Variants in CROCC2 observed in about 807,000 individuals in gnomAD.
CROCC2 encodes the protein ciliary rootlet coiled-coil protein 2.
Under a neutral mutation model 177.6 loss-of-function variants are expected in CROCC2, and 163 were observed. The ratio of observed to expected loss-of-function variants is 0.92; its 90% CI spans 0.81 to 1.05. The LOEUF is 1.05. CROCC2 is among the 50% of genes least tolerant of loss of function. The pLI is 0.00. For synonymous variants in CROCC2, 904 were observed against 787.3 expected, an observed-to-expected ratio of 1.15 and a Z score of -2.48; for missense variants, 1,929 against 1,797.8, an observed-to-expected ratio of 1.07 and a Z score of -1.32.
intron 29 of CROCC2, among the ~76,000 whole-genome samples, chr2:240,989,354 C>T (rs941411326): frequency 2.0e-5 from 3 of 152,166 alleles, no homozygotes; most frequent in Admixed American, 6.5e-5. Flanking sequence ...AATCAAACTT[C>T]GATGCCCTCC....
chr2:240,980,269 G>T (rs368067623), intron 27 of CROCC2, among the ~76,000 whole-genome samples: 324 of 51,934 alleles, frequency 6.2e-3, no homozygotes, highest in East Asian at 0.018. Context: ...AGCCTCAGGA[G>T]CCCAGGCTCA....
At chr2:240,924,993 G>C (rs1243910964) in intron 4 of CROCC2, among the ~76,000 whole-genome samples, 1 of 41,176 alleles carries the variant, frequency 2.4e-5, no homozygotes, top group Non-Finnish European at 4.8e-5. Flanking sequence ...CCCCCACACT[G>C]ACCCGGCCCC....
Position 240,933,239 on chromosome 2 carries a change from C to T in CROCC2, c.1360C>T (p.Arg454Trp), listed in dbSNP as rs367675913. 1.9e-5 allele frequency: 29 copies of T among 1,549,324 alleles called. No individual in the cohort carries two copies. The African/African-American group carries it at 2.2e-4, about 12-fold the overall frequency. Residue 454 changes from arginine to tryptophan, a missense_variant, in exon 10 of 32, where the codon CGG (arginine) becomes TGG (tryptophan). By Grantham distance (101) the Arg-to-Trp change is moderately radical. Transcript: ENST00000690015. ...LWAAQKLQQE[R>W]AREQAREREA... ...GGCCGCACAGAAGCTCCAGCAGGAG[C>T]GGGCTCGGGAGCAGGCACGGGAACG...
At chr2:240,937,295 A>G (rs1015006841) in intron 14 of CROCC2, among the ~76,000 whole-genome samples, 2 of 152,208 alleles carry the variant, frequency 1.3e-5, no homozygotes, top group South Asian at 4.1e-4. Flanking sequence ...ACACATTTTC[A>G]TGCATGTATT....
At chr2:240,915,968 G>GCCA (rs2059317615) in intron 1 of CROCC2, among the ~76,000 whole-genome samples, 1 of 152,188 alleles carries the variant, frequency 6.6e-6, no homozygotes, top group Non-Finnish European at 1.5e-5. Context: ...CGGACGCTGG[G>GCCA]CCACAGCCTG....
At chr2:240,933,599 T>A (rs981958411) in intron 10 of CROCC2, 71 bp from the exon 11 acceptor site, 2 of 1,490,388 alleles carry the variant, frequency 1.3e-6, no homozygotes, top group East Asian at 2.5e-5. Context: ...CAGCCCCCAA[T>A]GCCCACCAAG....
At position 240,993,110 on chromosome 2, in the gene CROCC2, G is replaced by A. The variant is rs1003370174; in HGVS notation, c.*29G>A. ...TCCCAGCACAGGGGAGGCGCCCAGC[G>A]TGGCTGCAGAGGAAGGGAACGCACC... On this transcript the variant is annotated 3_prime_UTR_variant, in exon 32 of 32. Coordinates refer to ENST00000690015, the MANE Select transcript of CROCC2 (RefSeq NM_001351305.2). The A allele has an allele frequency of 2.1e-5, 15 of 716,216 alleles. No individual in the cohort carries two copies. The highest frequency in any genetic ancestry group is 6.0e-5 in the Admixed American group (3 of 49,960). 44.4% of individuals were successfully genotyped at this position (716,216 alleles called of 1,614,324 possible). A position where few individuals can be genotyped will look rare whatever the true frequency, so the allele number is the denominator to read the frequency against.
chr2:240,989,574 A>T, intron 29 of CROCC2, 80 bp from the exon 30 acceptor site: 1 of 1,369,770 alleles, frequency 7.3e-7, no homozygotes, highest in Non-Finnish European at 9.9e-7. Flanking sequence ...CAGGTGAAAC[A>T]CCCTGTGGCA....
chr2:240,967,677 G>C, intron 26 of CROCC2: 1 of 739,010 alleles, frequency 1.4e-6, no homozygotes, highest in Non-Finnish European at 1.7e-6. Flanking sequence ...GCACAGAGGA[G>C]TGACGTCCAC....
At chr2:240,951,654 A>G (rs1303306743) in intron 18 of CROCC2, among the ~76,000 whole-genome samples, 1 of 150,382 alleles carries the variant, frequency 6.6e-6, no homozygotes, top group Non-Finnish European at 1.5e-5. Flanking sequence ...CCTTCCATCC[A>G]CACAGCTATC....
chr2:240,947,242 G>C (rs139337949), intron 15 of CROCC2, among the ~76,000 whole-genome samples: 28 of 152,376 alleles, frequency 1.8e-4, no homozygotes, highest in Admixed American at 7.8e-4. Flanking sequence ...GAAAACCTGA[G>C]GGAGGCTGCT....
At chr2:240,931,879 C>T (rs964352872) in intron 7 of CROCC2, among the ~76,000 whole-genome samples, 4 of 152,240 alleles carry the variant, frequency 2.6e-5, no homozygotes, top group Admixed American at 2.0e-4. Context: ...CACACCAGGG[C>T]CTGAGCCACA....
chr2:240,968,381 C>A (rs1296780644), intron 27 of CROCC2, 119 bp downstream of exon 27: 14 of 1,290,078 alleles, frequency 1.1e-5, no homozygotes, highest in African/African-American at 1.5e-5. Flanking sequence ...TCTGCAAGGG[C>A]TTCTGTGGGT....
intron 28 of CROCC2, among the ~76,000 whole-genome samples, chr2:240,983,923 C>T (rs1206693920): frequency 6.6e-6 from 1 of 152,188 alleles, no homozygotes; most frequent in Admixed American, 6.5e-5. Context: ...AGCCCCTCCC[C>T]AGGGGTGTGC....
intron 27 of CROCC2, among the ~76,000 whole-genome samples, chr2:240,975,890 C>T (rs1020556897): frequency 2.6e-5 from 4 of 151,914 alleles, no homozygotes; most frequent in Admixed American, 2.6e-4. Context: ...CCACCACGCC[C>T]GGCTAATTTT....
chr2:240,932,897 C>T lies in CROCC2; in HGVS notation c.1240C>T (p.Arg414Trp), dbSNP rs1268126563. 2.1e-5 allele frequency: 33 copies of T among 1,546,114 alleles called. No individual in the cohort carries two copies. The highest frequency in any genetic ancestry group is 1.7e-4 in the South Asian group (14 of 83,794). Reference protein sequence around the residue: ...AMRAAIERRWRREQELCLQLK... With the variant: ...AMRAAIERRWWREQELCLQLK... ...GCGGGCAGCCATAGAGAGGCGGTGG[C>T]GGCGGGAACAGGTGGGCAGCCGCAG... Residue 414 changes from arginine to tryptophan, a missense_variant, in exon 9 of 32, where the codon CGG becomes TGG. This residue lies in a region of CROCC2 where 1,397 missense variants were observed against 1,239.9 expected (regional missense o/e 1.13). Transcript: ENST00000690015.
chr2:240,965,391 T>G lies in CROCC2; in HGVS notation c.3476T>G (p.Leu1159Arg). 6.5e-7 allele frequency: 1 copy of G among 1,549,418 alleles called. No homozygotes were observed. Among genetic ancestry groups the G allele is most frequent in the Non-Finnish European group, 8.7e-7 (1 of 1,146,890 alleles). ...GCCCCACGCTCCCAGGTGAGGACAC[T>G]GAAGGCCGAGAACCAGAGGAGGAGT... Reference protein sequence around the residue: ...LRELHRQVRTLKAENQRRSGE... With the variant: ...LRELHRQVRTRKAENQRRSGE... The change falls in exon 23 of 32, where the codon CTG (leucine) becomes CGG (arginine). Residue 1159 changes from leucine to arginine, a missense_variant. By Grantham distance (102) the Leu-to-Arg change is moderately radical. This residue lies in a region of CROCC2 where 1,397 missense variants were observed against 1,239.9 expected (regional missense o/e 1.13). Transcript: ENST00000690015.
chr2:240,980,383 TC>T, intron 27 of CROCC2, among the ~76,000 whole-genome samples: 2 of 64,684 alleles, frequency 3.1e-5, no homozygotes, highest in African/African-American at 1.3e-4. Flanking sequence ...CTGCTCAGTC[TC>T]TGGGGTAGGA....
chr2:240,977,008 T>A (rs2059771183), intron 27 of CROCC2, among the ~76,000 whole-genome samples: 1 of 56,688 alleles, frequency 1.8e-5, no homozygotes, highest in Non-Finnish European at 3.3e-5. Flanking sequence ...CTGCTCAGTC[T>A]CTGGGGTAGG....
Sources: gnomAD v4.1 joint callset for allele counts (sites outside exome capture counted in the v4.1 genomes callset) on GRCh38, gnomAD v4.1.1 for gene constraint, gnomAD v4.1.1 regional missense constraint, MANE v1.5 for transcripts, NCBI Gene and HGNC (gene_info 2026-07-23, HGNC 2026-07-21) for gene names.